The following IKZF3 variants were observed in gnomAD, a reference collection of about 807,000 sequenced individuals.
IKZF3 encodes the protein IKAROS family zinc finger 3.
Under a neutral mutation model 49.0 loss-of-function variants are expected in IKZF3, and 10 were observed. That is an observed-to-expected ratio of 0.20 (90% CI 0.13 to 0.35). IKZF3 has a LOEUF of 0.35. Ranked by LOEUF, IKZF3 falls within the 10% of genes least tolerant of loss-of-function variation. IKZF3 has a pLI of 1.00. For synonymous variants in IKZF3, 209 were observed against 228.2 expected, an observed-to-expected ratio of 0.92 and a Z score of 0.76; for missense variants, 498 against 664.8, an observed-to-expected ratio of 0.75 and a Z score of 2.76.
chr17:39,760,264 C>T lies in IKZF3; in HGVS notation c.*5526G>A, dbSNP rs1382575049. On this transcript the variant is annotated 3_prime_UTR_variant, in exon 8 of 8. Transcript: ENST00000346872. Reference sequence around the variant, plus strand: ...CTCCACCTCCCAGGTTCAAGCAATTCTCCTGCGTCAGCCTCCCGAGTAGCT... The same window carrying T: ...CTCCACCTCCCAGGTTCAAGCAATTTTCCTGCGTCAGCCTCCCGAGTAGCT... The T allele has an allele frequency of 6.7e-6, 1 of 148,500 alleles. No homozygotes were observed. The highest frequency in any genetic ancestry group is 1.5e-5 in the Non-Finnish European group (1 of 67,746). The allele number at this position is 148,500 out of a possible 1,614,324, so 9.2% of individuals were successfully genotyped here. A position where few individuals can be genotyped will look rare whatever the true frequency, so the allele number is the denominator to read the frequency against.
chr17:39,766,992 G>A (rs1016037505), intron 7 of IKZF3, among the ~76,000 whole-genome samples: 5 of 152,142 alleles, frequency 3.3e-5, no homozygotes, highest in South Asian at 2.1e-4. Flanking sequence ...GGGGACACTC[G>A]GTGCCTCACC....
At chr17:39,829,293 T>C (rs1197678584) in intron 3 of IKZF3, 94 bp downstream of exon 3, 6 of 820,152 alleles carry the variant, frequency 7.3e-6, no homozygotes, top group Non-Finnish European at 1.2e-5. Context: ...AAACCTACAA[T>C]TGCAAGTTTT....
intron 3 of IKZF3, among the ~76,000 whole-genome samples, chr17:39,807,092 A>AGACTGAAGCAGAGGACCCAGATATGCT (rs1250396286): frequency 2.6e-5 from 4 of 152,202 alleles, no homozygotes; most frequent in Non-Finnish European, 5.9e-5. Flanking sequence ...GCCTTGGGAG[A>AGACTGAAGCAGAGGACCCAGATATGCT]GACTGAAGCA....
intron 6 of IKZF3, among the ~76,000 whole-genome samples, chr17:39,788,010 G>A (rs2060914316): frequency 6.6e-6 from 1 of 152,182 alleles, no homozygotes; most frequent in African/African-American, 2.4e-5. Context: ...ACCCTGTTAA[G>A]AAGTCTGTTA....
chr17:39,834,476 G>A (rs1238152389), intron 1 of IKZF3, among the ~76,000 whole-genome samples: 8 of 152,106 alleles, frequency 5.3e-5, no homozygotes, highest in Admixed American at 3.3e-4. Flanking sequence ...AATTTCCCTC[G>A]AGTCTTCTGT....
intron 3 of IKZF3, among the ~76,000 whole-genome samples, chr17:39,809,859 T>A (rs2144085775): frequency 1.3e-5 from 2 of 152,312 alleles, no homozygotes; most frequent in Middle Eastern, 6.8e-3. Flanking sequence ...TCATAATTAG[T>A]ATTATTTTAT....
chr17:39,807,110 C>T (rs539979566), intron 3 of IKZF3, among the ~76,000 whole-genome samples: 1 of 152,248 alleles, frequency 6.6e-6, no homozygotes, highest in Admixed American at 6.5e-5. Context: ...GCAGAGGACC[C>T]AGATATGCTG....
At chr17:39,800,213 A>G (rs549176240) in intron 3 of IKZF3, among the ~76,000 whole-genome samples, 2 of 152,332 alleles carry the variant, frequency 1.3e-5, no homozygotes, top group Admixed American at 1.3e-4. Context: ...TAATCTTCTT[A>G]TAATATATAT....
intron 1 of IKZF3, among the ~76,000 whole-genome samples, chr17:39,862,621 T>G (rs1353479375): frequency 6.6e-6 from 1 of 152,166 alleles, no homozygotes; most frequent in Non-Finnish European, 1.5e-5. Flanking sequence ...ATGTTAAAGT[T>G]TTTTCATTAA....
intron 2 of IKZF3, among the ~76,000 whole-genome samples, chr17:39,830,494 C>T (rs2062080516): frequency 6.6e-6 from 1 of 151,908 alleles, no homozygotes; most frequent in African/African-American, 2.4e-5. Context: ...AGGGAGCAGA[C>T]ATAATAAAGA....
intron 3 of IKZF3, among the ~76,000 whole-genome samples, chr17:39,814,760 C>T (rs1020599236): frequency 6.6e-6 from 1 of 152,158 alleles, no homozygotes; most frequent in Non-Finnish European, 1.5e-5. Flanking sequence ...CTTCCCTAGG[C>T]CCTTCCCATG....
At chr17:39,780,667 CT>C (rs71355414) in intron 6 of IKZF3, among the ~76,000 whole-genome samples, 168 of 146,462 alleles carry the variant, frequency 1.1e-3, no homozygotes, top group Non-Finnish European at 1.1e-3. Flanking sequence ...CAAAGCTCAG[CT>C]TTTTTTTTTT....
In IKZF3 at chr17:39,757,734, A is replaced by AT. The variant is rs1006649264; in HGVS notation, c.*8055dup. 1 of 152,146 alleles carries AT rather than the reference A, an allele frequency of 6.6e-6. No individual in the cohort carries two copies. The highest frequency in any genetic ancestry group is 1.5e-5 in the Non-Finnish European group (1 of 68,026). 9.4% of individuals were successfully genotyped at this position (152,146 alleles called of 1,614,324 possible). A position where few individuals can be genotyped will look rare whatever the true frequency, so the allele number is the denominator to read the frequency against. On this transcript the variant is annotated 3_prime_UTR_variant, in exon 8 of 8. Coordinates refer to ENST00000346872, the MANE Select transcript of IKZF3 (RefSeq NM_012481.5). ...AAGGACTAATTTCAAACATACCAGG[A>AT]TTTTTTTATTTTTCAGTGTAAAAAT...
chr17:39,826,461 T>C (rs1271874236), intron 3 of IKZF3, among the ~76,000 whole-genome samples: 1 of 152,126 alleles, frequency 6.6e-6, no homozygotes, highest in Non-Finnish European at 1.5e-5. Flanking sequence ...TTCCTAGAAG[T>C]GATGGAAGAA....
rs2143535510 is a variant in IKZF3, at chr17:39,764,052, A to C, written c.*1738T>G. 1 of 152,296 alleles carries C rather than the reference A, an allele frequency of 6.6e-6. No individual in the cohort carries two copies. 9.4% of individuals were successfully genotyped at this position (152,296 alleles called of 1,614,324 possible). The stretch of plus-strand genomic sequence containing the variant: ...GTATTTTTAGTAGAGACAGGGTTTC[A>C]CCATGTGGGTCAGGCTGGTCTCGAA... On this transcript the variant is annotated 3_prime_UTR_variant, in exon 8 of 8. Coordinates refer to ENST00000346872, the MANE Select transcript of IKZF3 (RefSeq NM_012481.5).
chr17:39,802,147 G>A (rs770391086), intron 3 of IKZF3, among the ~76,000 whole-genome samples: 6 of 148,474 alleles, frequency 4.0e-5, no homozygotes, highest in East Asian at 2.0e-4. Flanking sequence ...CTGTGAACCC[G>A]GGAGGCGGAG....
Position 39,777,777 on chromosome 17 carries a change from A to T in IKZF3, c.710-10T>A. 1 of 1,605,394 alleles carries T rather than the reference A, an allele frequency of 6.2e-7. No homozygotes were observed. Among genetic ancestry groups the T allele is most frequent in the Non-Finnish European group, 8.5e-7 (1 of 1,176,384 alleles). On this transcript the variant is annotated splice_polypyrimidine_tract_variant and intron_variant, in intron 6 of 7. Transcript: ENST00000346872. ...CTTGCCTCCGCACTTGCTAGTTTGG[A>T]AAAATGTAAAAAGAAGAGAGAAAAG...
At chr17:39,767,315 T>C (rs1204293420) in intron 7 of IKZF3, among the ~76,000 whole-genome samples, 2 of 152,154 alleles carry the variant, frequency 1.3e-5, no homozygotes, top group Non-Finnish European at 2.9e-5. Context: ...CTGAGAAGTT[T>C]TGAAAACAGA....
chr17:39,796,856 T>C (rs2061177505), intron 3 of IKZF3, among the ~76,000 whole-genome samples: 1 of 149,692 alleles, frequency 6.7e-6, no homozygotes. Context: ...TCAACATTCC[T>C]TTCTAGACAG....
Sources: gnomAD v4.1 joint callset for allele counts (sites outside exome capture counted in the v4.1 genomes callset) on GRCh38, gnomAD v4.1.1 for gene constraint, MANE v1.5 for transcripts, NCBI Gene and HGNC (gene_info 2026-07-23, HGNC 2026-07-21) for gene names.